The following PNPLA3 variants were observed in gnomAD, a reference collection of about 807,000 sequenced individuals.
PNPLA3 encodes 1-acylglycerol-3-phosphate O-acyltransferase PNPLA3.
Under a neutral mutation model 43.1 loss-of-function variants are expected in PNPLA3, and 42 were observed. That is an observed-to-expected ratio of 0.97 (90% CI 0.76 to 1.26). The LOEUF is 1.26. Ranked by LOEUF, PNPLA3 falls within the 50% of genes most tolerant of loss-of-function variation. The pLI, the probability that PNPLA3 is intolerant of heterozygous loss-of-function variation, is 0.00. For synonymous variants in PNPLA3, 272 were observed against 253.6 expected (o/e 1.07, Z -0.69); for missense variants, 647 against 621.4 (o/e 1.04, Z -0.44).
At chr22:43,936,960 C>G in intron 5 of PNPLA3, 91 bp from the exon 6 acceptor site, 1 of 1,039,970 alleles carries the variant, frequency 9.6e-7, no homozygotes, top group East Asian at 2.6e-5. Context: ...AACAGGCCAG[C>G]TGCCTGCCTC....
chr22:43,931,761 G>A (rs1012072091), intron 3 of PNPLA3, among the ~76,000 whole-genome samples: 2 of 152,126 alleles, frequency 1.3e-5, no homozygotes, highest in African/African-American at 4.8e-5. Flanking sequence ...AGTGATCCAT[G>A]TGCCTCAGCC....
chr22:43,946,773 T>C lies in PNPLA3; in HGVS notation c.*391T>C. ...CTGGCCCATGTGTGATCTTGTGGGG[T>C]GGAGGGAAGAGAATAGCATGATCCC... is the stretch of plus-strand genomic sequence containing the variant. On this transcript the variant is annotated 3_prime_UTR_variant, in exon 9 of 9. Transcript: ENST00000216180. 1.9e-6 allele frequency: 1 copy of C among 523,376 alleles called. No homozygotes were observed. The highest frequency in any genetic ancestry group is 1.4e-5 in the South Asian group (1 of 71,372). 32.4% of individuals were successfully genotyped at this position (523,376 alleles called of 1,614,324 possible). A position where few individuals can be genotyped will look rare whatever the true frequency, so the allele number is the denominator to read the frequency against.
chr22:43,929,407 C>T (rs1205465694), intron 3 of PNPLA3, among the ~76,000 whole-genome samples: 4 of 147,140 alleles, frequency 2.7e-5, no homozygotes, highest in African/African-American at 7.5e-5. Flanking sequence ...ACTTGGGAGG[C>T]GGAAGTTGCA....
intron 3 of PNPLA3, among the ~76,000 whole-genome samples, chr22:43,932,282 G>C (rs1014289081): frequency 2.6e-5 from 4 of 152,224 alleles, no homozygotes; most frequent in Admixed American, 2.6e-4. Flanking sequence ...TTGTGGGTTA[G>C]AGGACATTTT....
At position 43,929,273 on chromosome 22, in the gene PNPLA3, C is replaced by G. The variant is rs112973849; in HGVS notation, c.486+384C>G. 8.5e-3 allele frequency among the ~76,000 whole-genome samples: 1,285 copies of G among 151,954 alleles called. 23 individuals are homozygous for G. The highest frequency in any genetic ancestry group is 0.029 in the African/African-American group (1,206 of 41,446). On this transcript the variant is annotated intron_variant, in intron 3 of 8. Coordinates refer to ENST00000216180, the MANE Select transcript of PNPLA3 (RefSeq NM_025225.3). ...GGCAGATCACTTGAGGTCAGGAGTT[C>G]GAGACCAGCCTGGCCAACAGTGTGA...
Position 43,947,061 on chromosome 22 carries a change from T to TA in PNPLA3, c.*692dup, listed in dbSNP as rs397716964. 0.033 allele frequency: 5,809 copies of TA among 178,056 alleles called. 27 individuals are homozygous for TA. The highest frequency in any genetic ancestry group is 0.074 in the South Asian group (722 of 9,748). The allele number at this position is 178,056 out of a possible 1,614,324, so 11.0% of individuals were successfully genotyped here. On this transcript the variant is annotated 3_prime_UTR_variant, in exon 9 of 9. Transcript: ENST00000216180. ...AGTGAGATGTTAGTAGAATAAGCCT[T>TA]AAAAAAAAAAAAATCGGTTGGGTGC...
At chr22:43,924,132 C>A (rs1174524770) in intron 1 of PNPLA3, 34 bp downstream of exon 1, 2 of 1,494,370 alleles carry the variant, frequency 1.3e-6, no homozygotes, top group Admixed American at 2.2e-5. Flanking sequence ...GCTCCACGTG[C>A]GGAGTGGGTG....
intron 7 of PNPLA3, among the ~76,000 whole-genome samples, chr22:43,942,989 T>C (rs2050041295): frequency 6.6e-6 from 1 of 152,208 alleles, no homozygotes; most frequent in African/African-American, 2.4e-5. Context: ...TGTCTCCGTG[T>C]CTGACTTTCT....
chr22:43,939,861 C>CGT, intron 6 of PNPLA3, 132 bp from the exon 7 acceptor site: 1 of 1,292,668 alleles, frequency 7.7e-7, no homozygotes, highest in Non-Finnish European at 1.1e-6. Context: ...CACCTTGTCG[C>CGT]TTTTGTGAGT....
At chr22:43,924,754 T>G (rs2049910755) in intron 1 of PNPLA3, among the ~76,000 whole-genome samples, 2 of 151,710 alleles carry the variant, frequency 1.3e-5, no homozygotes, top group South Asian at 4.2e-4. Flanking sequence ...TTCACGCCAT[T>G]CTCCTGCCTC....
In PNPLA3 at chr22:43,946,963, A is replaced by G. The variant is rs940377968; in HGVS notation, c.*581A>G. ...AGAACACCTTTTTCACCTAACTAAA[A>G]TAATGTTTAAAGAGTTTTGTATAAA... is the stretch of plus-strand genomic sequence containing the variant. On this transcript the variant is annotated 3_prime_UTR_variant, in exon 9 of 9. Coordinates refer to ENST00000216180, the MANE Select transcript of PNPLA3 (RefSeq NM_025225.3). 1 of 305,140 alleles carries G rather than the reference A, an allele frequency of 3.3e-6. No individual in the cohort carries two copies. Among genetic ancestry groups the G allele is most frequent in the East Asian group, 9.1e-5 (1 of 10,952 alleles). The allele number at this position is 305,140 out of a possible 1,614,324, so 18.9% of individuals were successfully genotyped here. A position where few individuals can be genotyped will look rare whatever the true frequency, so the allele number is the denominator to read the frequency against.
At chr22:43,945,683 C>T (rs187496312) in intron 8 of PNPLA3, among the ~76,000 whole-genome samples, 2 of 152,238 alleles carry the variant, frequency 1.3e-5, no homozygotes, top group Admixed American at 1.3e-4. Context: ...CCCTGGCTGG[C>T]AGCAGGCAGC....
chr22:43,924,419 G>A (rs1279731243), intron 1 of PNPLA3: 2 of 338,612 alleles, frequency 5.9e-6, no homozygotes, highest in Non-Finnish European at 1.1e-5. Context: ...GCGTCTCGGA[G>A]CGACGGGGAG....
At chr22:43,942,701 CTTTT>C (rs398037291) in intron 7 of PNPLA3, among the ~76,000 whole-genome samples, 6 of 113,674 alleles carry the variant, frequency 5.3e-5, no homozygotes, top group East Asian at 5.4e-4. Context: ...TTTCTTTTTT[CTTTT>C]TTTTTTTTTT....
At chr22:43,936,050 A>G (rs950728484) in intron 5 of PNPLA3, among the ~76,000 whole-genome samples, 47 of 152,184 alleles carry the variant, frequency 3.1e-4, no homozygotes, top group African/African-American at 1.1e-3. Context: ...GGAAGACAGA[A>G]GAGCGCAGTC....
chr22:43,941,309 T>C (rs78023701), intron 7 of PNPLA3, among the ~76,000 whole-genome samples: 50,639 of 134,884 alleles, frequency 0.38, 10,279 homozygotes, highest in South Asian at 0.47. Flanking sequence ...TCTGATTGGG[T>C]TTCCTCTGAT....
At position 43,928,721 on chromosome 22, in the gene PNPLA3, T is replaced by C. The variant is rs2030495694; in HGVS notation, c.421-103T>C. 4 of 1,064,000 alleles carry C rather than the reference T, an allele frequency of 3.8e-6. No individual in the cohort carries two copies. In the Admixed American group the frequency reaches 6.9e-5, roughly 18 times the overall value. 65.9% of individuals were successfully genotyped at this position (1,064,000 alleles called of 1,614,324 possible). A position where few individuals can be genotyped will look rare whatever the true frequency, so the allele number is the denominator to read the frequency against. ...ATTAACCTACTCTGTGCAAAGGGCA[T>C]TTTCAAGTTTGTTGCCCTGCTCACT... On this transcript the variant is annotated intron_variant, in intron 2 of 8. Coordinates refer to ENST00000216180, the MANE Select transcript of PNPLA3 (RefSeq NM_025225.3).
At chr22:43,924,282 C>T (rs1256999738) in intron 1 of PNPLA3, 184 bp downstream of exon 1, 4 of 738,972 alleles carry the variant, frequency 5.4e-6, no homozygotes, top group Non-Finnish European at 2.0e-6. Context: ...TTCCTGGGCC[C>T]GGGAAGGGGG....
At chr22:43,942,720 TGAGACAGGGTC>T (rs2050039418) in intron 7 of PNPLA3, among the ~76,000 whole-genome samples, 1 of 145,450 alleles carries the variant, frequency 6.9e-6, no homozygotes, top group Non-Finnish European at 1.5e-5. Context: ...TTTTTTTTTT[TGAGACAGGGTC>T]TTACTCTGGT....
Sources: allele counts gnomAD v4.1 joint callset (sites outside exome capture counted in the v4.1 genomes callset), GRCh38; gene constraint gnomAD v4.1.1; transcripts MANE v1.5; gene names NCBI Gene and HGNC (gene_info 2026-07-23, HGNC 2026-07-21).